The following GALNTL5 variants were observed in gnomAD, a reference collection of about 807,000 sequenced individuals.
GALNTL5 encodes polypeptide N-acetylgalactosaminyltransferase like 5.
GALNTL5 carries 44 observed loss-of-function variants against 51.0 expected under a neutral mutation model. The observed-to-expected ratio is 0.86, with a 90% confidence interval of 0.68 to 1.11. The LOEUF (loss-of-function observed/expected upper bound fraction) is 1.11. Among genes scored for constraint, GALNTL5 ranks in the 50% least tolerant of loss-of-function variants. The pLI is 0.00. For missense variants in GALNTL5, 528 were observed against 531.8 expected (o/e 0.99, Z 0.07); for synonymous variants, 192 against 182.8 (o/e 1.05, Z -0.41).
chr7:151,975,779 A>T (rs10952337), intron 3 of GALNTL5, among the ~76,000 whole-genome samples: 58,156 of 151,564 alleles, frequency 0.38, 11,771 homozygotes, highest in Middle Eastern at 0.5. Flanking sequence ...ATTTGTCAAG[A>T]TATTTTTAAT....
chr7:151,977,802 C>T (rs1248975345), intron 3 of GALNTL5, among the ~76,000 whole-genome samples: 1 of 152,098 alleles, frequency 6.6e-6, no homozygotes, highest in Non-Finnish European at 1.5e-5. Flanking sequence ...CTATTTAGGA[C>T]ACTGTTGTAA....
At chr7:152,019,163 G>A (rs117049030) in intron 8 of GALNTL5, among the ~76,000 whole-genome samples, 2,368 of 152,250 alleles carry the variant, frequency 0.016, 27 homozygotes, top group Middle Eastern at 0.027. Context: ...CAAGCACTTC[G>A]CAAGGGGAAG....
At position 151,983,015 on chromosome 7, in the gene GALNTL5, T is replaced by TCC; in HGVS notation, c.400_401dup (p.Thr135ArgfsTer39). On this transcript the variant is annotated frameshift_variant, in exon 4 of 9. Transcript: ENST00000392800. LOFTEE classifies it high-confidence loss of function. Reference sequence around the variant, plus strand: ...CTTCAAAAACATTACCCAGCCCGCCTCCCGACTGCCAGCATTGTCATTTGC... The same window carrying TCC: ...CTTCAAAAACATTACCCAGCCCGCCTCCCCCGACTGCCAGCATTGTCATTTGC... 6.2e-7 allele frequency: 1 copy of TCC among 1,614,164 alleles called. No homozygotes were observed. The highest frequency in any genetic ancestry group is 1.3e-5 in the African/African-American group (1 of 75,058).
rs1273645108 is a variant in GALNTL5, at chr7:152,007,950, T to C, written c.1026+6T>C. 1.4e-6 allele frequency: 2 copies of C among 1,395,686 alleles called. No individual in the cohort carries two copies. The highest frequency in any genetic ancestry group is 1.7e-5 in the Admixed American group (1 of 58,774). 86.5% of individuals were successfully genotyped at this position (1,395,686 alleles called of 1,614,324 possible). A position where few individuals can be genotyped will look rare whatever the true frequency, so the allele number is the denominator to read the frequency against. On this transcript the variant is annotated splice_donor_region_variant and intron_variant, in intron 7 of 8. Transcript: ENST00000392800. Reference sequence around the variant, plus strand: ...ATTTGGAACTTTCACTAAGGGTAATTCAGATTTCATTTTTAAAATAGCTAT... The same window carrying C: ...ATTTGGAACTTTCACTAAGGGTAATCCAGATTTCATTTTTAAAATAGCTAT...
At chr7:152,001,612 A>C (rs1298417537) in intron 5 of GALNTL5, among the ~76,000 whole-genome samples, 1 of 152,226 alleles carries the variant, frequency 6.6e-6, no homozygotes, top group East Asian at 1.9e-4. Context: ...CCTTACACCA[A>C]TGGCACACTG....
Position 151,956,479 on chromosome 7 carries a change from C to T in GALNTL5, c.-170C>T, listed in dbSNP as rs1411107191. 6.6e-6 allele frequency: 1 copy of T among 152,258 alleles called. No individual in the cohort carries two copies. Among genetic ancestry groups the T allele is most frequent in the East Asian group, 1.9e-4 (1 of 5,192 alleles). 9.4% of individuals were successfully genotyped at this position (152,258 alleles called of 1,614,324 possible). On this transcript the variant is annotated 5_prime_UTR_variant, in exon 1 of 9. Transcript: ENST00000392800. ...CAGGTATCTGCTTGGAACCCAGCCA[C>T]CATAAAGCCTGCTAGCTAAAAAAAA...
intron 1 of GALNTL5, among the ~76,000 whole-genome samples, chr7:151,964,536 C>T (rs1228755050): frequency 6.6e-6 from 1 of 152,172 alleles, no homozygotes; most frequent in Non-Finnish European, 1.5e-5. Context: ...TTGCCTGCTG[C>T]CATCCATGGT....
intron 3 of GALNTL5, among the ~76,000 whole-genome samples, chr7:151,981,578 CTT>C (rs1192072668): frequency 1.2e-3 from 25 of 20,076 alleles, no homozygotes; most frequent in South Asian, 3.4e-3. Context: ...TCCTTCCTTC[CTT>C]CCTTCCTTCC....
intron 2 of GALNTL5, among the ~76,000 whole-genome samples, chr7:151,968,721 A>G (rs1586808506): frequency 6.6e-6 from 1 of 152,222 alleles, no homozygotes; most frequent in African/African-American, 2.4e-5. Context: ...CTGTTCCCCA[A>G]AGTAGCTGGG....
chr7:152,014,686 C>CGAGTA lies in GALNTL5; in HGVS notation c.1071_1075dup (p.Gly359GlufsTer2), dbSNP rs763795078. 6.2e-7 allele frequency: 1 copy of CGAGTA among 1,612,904 alleles called. No homozygotes were observed. Among genetic ancestry groups the CGAGTA allele is most frequent in the Non-Finnish European group, 8.5e-7 (1 of 1,179,512 alleles). ...CCAACTCTTTATAATCCCCTGCTCT[C>CGAGTA]GAGTAGGACATATCAGTAAGAAACA... On this transcript the variant is annotated frameshift_variant, in exon 8 of 9. Coordinates refer to ENST00000392800, the MANE Select transcript of GALNTL5 (RefSeq NM_145292.4). LOFTEE classifies it high-confidence loss of function.
intron 5 of GALNTL5, among the ~76,000 whole-genome samples, chr7:151,991,275 T>G (rs1429398514): frequency 6.6e-6 from 1 of 152,146 alleles, no homozygotes; most frequent in African/African-American, 2.4e-5. Flanking sequence ...GTATTTTTAG[T>G]AGAGACGGGG....
At chr7:152,016,917 A>C (rs1387795504) in intron 8 of GALNTL5, among the ~76,000 whole-genome samples, 2 of 152,022 alleles carry the variant, frequency 1.3e-5, no homozygotes, top group Non-Finnish European at 2.9e-5. Context: ...GGGCACCTGT[A>C]ATCCCAGCTA....
chr7:151,981,544 CCCTT>C (rs201218158), intron 3 of GALNTL5, among the ~76,000 whole-genome samples: 66 of 130,650 alleles, frequency 5.1e-4, no homozygotes, highest in East Asian at 9.7e-4. Context: ...CATCTCTCTT[CCCTT>C]CCTTCCTTCC....
intron 2 of GALNTL5, 158 bp from the exon 3 acceptor site, chr7:151,970,787 C>T: frequency 3.8e-6 from 2 of 521,492 alleles, no homozygotes; most frequent in Non-Finnish European, 6.8e-6. Flanking sequence ...AAAACACCCA[C>T]CTTTGCCAAG....
intron 5 of GALNTL5, among the ~76,000 whole-genome samples, chr7:151,999,559 A>G (rs1305992878): frequency 6.6e-6 from 1 of 152,198 alleles, no homozygotes. Context: ...AGTGGAAGTG[A>G]AGTGGTTCTT....
chr7:151,964,942 C>CA lies in GALNTL5; in HGVS notation c.-39-2265dup, dbSNP rs1172525257. Among the ~76,000 whole-genome samples, 10 of 152,200 alleles carry CA rather than the reference C, an allele frequency of 6.6e-5. No individual in the cohort carries two copies. The East Asian group carries it at 1.9e-3, about 29-fold the overall frequency. On this transcript the variant is annotated intron_variant, in intron 1 of 8. Coordinates refer to ENST00000392800, the MANE Select transcript of GALNTL5 (RefSeq NM_145292.4). ...CCTGTGTGGGAGGAAGGGAAGAAGA[C>CA]AGATGGACCCAGACACTCCACATCC...
intron 5 of GALNTL5, among the ~76,000 whole-genome samples, chr7:151,991,333 T>C (rs1403101128): frequency 6.6e-6 from 1 of 152,184 alleles, no homozygotes; most frequent in Non-Finnish European, 1.5e-5. Context: ...CCTCAGGTGA[T>C]CCGCCTGCCT....
At chr7:151,970,921 G>T in intron 2 of GALNTL5, 24 bp from the exon 3 acceptor site, 1 of 1,572,184 alleles carries the variant, frequency 6.4e-7, no homozygotes, top group South Asian at 1.1e-5. Flanking sequence ...TTACTTATAT[G>T]ATTCTAATTA....
chr7:152,005,775 A>G (rs1218615905), intron 6 of GALNTL5, among the ~76,000 whole-genome samples: 4 of 152,314 alleles, frequency 2.6e-5, no homozygotes, highest in Non-Finnish European at 4.4e-5. Context: ...AGAAGTCTTT[A>G]ATACAGTAAT....
Sources: allele counts gnomAD v4.1 joint callset (sites outside exome capture counted in the v4.1 genomes callset), GRCh38; gene constraint gnomAD v4.1.1; transcripts MANE v1.5; gene names NCBI Gene and HGNC (gene_info 2026-07-23, HGNC 2026-07-21).